Variants in JAKMIP1 observed in about 807,000 individuals in gnomAD.
JAKMIP1 encodes the protein janus kinase and microtubule-interacting protein 1.
In JAKMIP1, 33 loss-of-function variants were observed where a neutral mutation model predicts 113.0. The observed-to-expected ratio is 0.29, with a 90% CI of 0.22 to 0.39. JAKMIP1 has a LOEUF of 0.39. Among genes scored for constraint, JAKMIP1 ranks in the 10% least tolerant of loss-of-function variants. The probability of loss-of-function intolerance (pLI) is 1.00; values close to 1 mark genes in which losing one functional copy is unlikely to be tolerated. For synonymous variants in JAKMIP1, 480 were observed against 459.9 expected (o/e 1.04, Z -0.56); for missense variants, 813 against 1,080.5 (o/e 0.75, Z 3.47).
chr4:6,071,427 C>G (rs191071130), intron 8 of JAKMIP1, among the ~76,000 whole-genome samples: 58 of 152,268 alleles, frequency 3.8e-4, no homozygotes, highest in African/African-American at 1.3e-3. Context: ...GAAGTCACCT[C>G]CTGAAACTAG....
At chr4:6,047,444 C>T (rs1715138237) in intron 16 of JAKMIP1, among the ~76,000 whole-genome samples, 1 of 152,218 alleles carries the variant, frequency 6.6e-6, no homozygotes, top group Non-Finnish European at 1.5e-5. Context: ...GCCCCATGTG[C>T]CCCGCCCCGT....
chr4:6,178,597 G>A lies in JAKMIP1; in HGVS notation c.-148+21656C>T, dbSNP rs564875682. On this transcript the variant is annotated intron_variant, in intron 1 of 20. Coordinates refer to ENST00000409021, the MANE Select transcript of JAKMIP1 (RefSeq NM_001099433.2). The surrounding 1 kb of genome is among the most constrained non-coding windows in gnomAD (Gnocchi z 5.5). The stretch of plus-strand genomic sequence containing the variant: ...TTCGAAACTGCATCTCCTTGATACC[G>A]CCAGGTGAAGAAGGACGTGTTTGCT... 6.6e-5 allele frequency among the ~76,000 whole-genome samples: 10 copies of A among 152,198 alleles called. No homozygotes were observed. The East Asian group carries it at 9.7e-4, about 15-fold the overall frequency.
In JAKMIP1 at chr4:6,094,157, A is replaced by C. The variant is rs140269816; in HGVS notation, c.625-8528T>G. 1.0e-2 allele frequency among the ~76,000 whole-genome samples: 1,521 copies of C among 152,278 alleles called. 24 individuals are homozygous for C. The highest frequency in any genetic ancestry group is 0.035 in the African/African-American group (1,454 of 41,548). ...ATCGAACACATGCCACTGTCAGTTC[A>C]TGAGTTTTAAAAACAACCATTATGG... is the stretch of plus-strand genomic sequence containing the variant. On this transcript the variant is annotated intron_variant, in intron 3 of 20. Coordinates refer to ENST00000409021, the MANE Select transcript of JAKMIP1 (RefSeq NM_001099433.2). This position sits in a 1 kb window ranked among gnomAD's most constrained non-coding sequence, Gnocchi z 4.2.
rs559115236 is a variant in JAKMIP1 at position 6,100,126 on chromosome 4, A to C, written c.624+5347T>G. On this transcript the variant is annotated intron_variant, in intron 3 of 20. Transcript: ENST00000409021. ...TTAAACATTTTAGAGTTTAATTTATAAATCATGAACTTCGCCGATTTTTAG... is the reference window on the plus strand; with the variant it reads ...TTAAACATTTTAGAGTTTAATTTATCAATCATGAACTTCGCCGATTTTTAG... 1.4e-4 allele frequency among the ~76,000 whole-genome samples: 21 copies of C among 152,356 alleles called. No individual in the cohort carries two copies. In the South Asian group the frequency reaches 2.7e-3, roughly 20 times the overall value.
At chr4:6,100,541 A>G (rs1286914816) in intron 3 of JAKMIP1, among the ~76,000 whole-genome samples, 1 of 152,232 alleles carries the variant, frequency 6.6e-6, no homozygotes, top group African/African-American at 2.4e-5. Context: ...ATAAGCATTC[A>G]TGTACAAATC....
At position 6,139,205 on chromosome 4, in the gene JAKMIP1, G is replaced by A. The variant is rs1434899164; in HGVS notation, c.-147-26208C>T. 8.9e-6 allele frequency among the ~76,000 whole-genome samples: 1 copy of A among 111,870 alleles called. No individual in the cohort carries two copies. Among genetic ancestry groups the A allele is most frequent in the East Asian group, 3.1e-4 (1 of 3,272 alleles). 73.4% of individuals were successfully genotyped at this position (111,870 alleles called of 152,430 possible). ...TTTGGGAGGGTTCCCATGGGCTCCA[G>A]AAACTTTCACTATTTAAAAGGGTTC... On this transcript the variant is annotated intron_variant, in intron 1 of 20. Transcript: ENST00000409021. The surrounding 1 kb of genome is among the most constrained non-coding windows in gnomAD (Gnocchi z 5.2).
chr4:6,125,783 A>AAC (rs766499406), intron 1 of JAKMIP1, among the ~76,000 whole-genome samples: 9 of 141,546 alleles, frequency 6.4e-5, no homozygotes, highest in Non-Finnish European at 1.1e-4. Context: ...ACCATGCAGA[A>AAC]ACACACACAC....
At chr4:6,102,121 G>A (rs964984584) in intron 3 of JAKMIP1, among the ~76,000 whole-genome samples, 2 of 152,058 alleles carry the variant, frequency 1.3e-5, no homozygotes, top group Non-Finnish European at 2.9e-5. Flanking sequence ...TTATTCCTAG[G>A]TATTTGAATT....
In JAKMIP1 at chr4:6,135,342, C is replaced by T. The variant is rs1416237554; in HGVS notation, c.-147-22345G>A. ...ACATAGAAGGAAGACCATGTGAGGA[C>T]ATGGGGAGAAGACGGCCGTCTACAA... On this transcript the variant is annotated intron_variant, in intron 1 of 20. Transcript: ENST00000409021. The surrounding 1 kb of genome is among the most constrained non-coding windows in gnomAD (Gnocchi z 4.9). 6.6e-6 allele frequency among the ~76,000 whole-genome samples: 1 copy of T among 152,112 alleles called. No homozygotes were observed. The highest frequency in any genetic ancestry group is 1.5e-5 in the Non-Finnish European group (1 of 68,034).
At chr4:6,026,666 C>T (rs75157039) in intron 20 of JAKMIP1, among the ~76,000 whole-genome samples, 2 of 151,728 alleles carry the variant, frequency 1.3e-5, no homozygotes, top group Admixed American at 6.6e-5. Context: ...CACCAAGAGA[C>T]GGGGGCGTGA....
chr4:6,078,042 T>C (rs1719932443), intron 8 of JAKMIP1, among the ~76,000 whole-genome samples: 1 of 152,084 alleles, frequency 6.6e-6, no homozygotes, highest in African/African-American at 2.4e-5. Context: ...AGATGAGAAA[T>C]ATTTCTCTAT....
rs960643920 is a variant in JAKMIP1, at chr4:6,116,808, G to A, written c.-147-3811C>T. Among the ~76,000 whole-genome samples the A allele has an allele frequency of 6.6e-6, 1 of 152,160 alleles. No homozygotes were observed. Among genetic ancestry groups the A allele is most frequent in the Admixed American group, 6.5e-5 (1 of 15,270 alleles). On this transcript the variant is annotated intron_variant, in intron 1 of 20. Transcript: ENST00000409021. The surrounding 1 kb of genome is among the most constrained non-coding windows in gnomAD (Gnocchi z 5.1). ...GGAAATGAATACATAAAACAATGAT[G>A]GCTTGTGGTAGGTGCTGGAAAGAAC...
chr4:6,029,957 A>C, intron 19 of JAKMIP1, among the ~76,000 whole-genome samples, 176 bp from the exon 20 acceptor site: 1 of 152,194 alleles, frequency 6.6e-6, no homozygotes, highest in Non-Finnish European at 1.5e-5. Context: ...AGCAAGACAG[A>C]GAGCATCCCA....
rs557629841 is a variant in JAKMIP1 at position 6,051,167 on chromosome 4, C to A, written c.1807-488G>T. On this transcript the variant is annotated intron_variant, in intron 13 of 20. Transcript: ENST00000409021. This position sits in a 1 kb window ranked among gnomAD's most constrained non-coding sequence, Gnocchi z 5.0. ...CAGGGAGGCTGTGTCTGAGGTCCCACGCTAGCAAGCGGCAGGGCCAGGACC... is the reference window on the plus strand; with the variant it reads ...CAGGGAGGCTGTGTCTGAGGTCCCAAGCTAGCAAGCGGCAGGGCCAGGACC... 6.6e-6 allele frequency among the ~76,000 whole-genome samples: 1 copy of A among 151,844 alleles called. No homozygotes were observed. Among genetic ancestry groups the A allele is most frequent in the African/African-American group, 2.4e-5 (1 of 41,332 alleles).
chr4:6,183,510 T>TAAATAAATAAATAAATA lies in JAKMIP1; in HGVS notation c.-148+16742_-148+16743insTATTTATTTATTTATTT. On this transcript the variant is annotated intron_variant, in intron 1 of 20. Transcript: ENST00000409021. The surrounding 1 kb of genome is among the most constrained non-coding windows in gnomAD (Gnocchi z 5.3). ...TAAATAAATAAATAAATAAATAAAT[T>TAAATAAATAAATAAATA]TAAAAAAGAAAGTAAAATGGAACAG... Among the ~76,000 whole-genome samples the TAAATAAATAAATAAATA allele has an allele frequency of 1.4e-4, 1 of 7,026 alleles. No homozygotes were observed. Among genetic ancestry groups the TAAATAAATAAATAAATA allele is most frequent in the Non-Finnish European group, 5.4e-4 (1 of 1,862 alleles). The allele number at this position is 7,026 out of a possible 152,430, so 4.6% of individuals were successfully genotyped here. A position where few individuals can be genotyped will look rare whatever the true frequency, so the allele number is the denominator to read the frequency against.
rs1157533024 is a variant in JAKMIP1 at position 6,153,644 on chromosome 4, C to T, written c.-147-40647G>A. ...TGGAAGGCCATCATGTTCCCGTGTG[C>T]CCCTCGGCACCTTACCTTTATGTGC... On this transcript the variant is annotated intron_variant, in intron 1 of 20. Coordinates refer to ENST00000409021, the MANE Select transcript of JAKMIP1 (RefSeq NM_001099433.2). The surrounding 1 kb of genome is among the most constrained non-coding windows in gnomAD (Gnocchi z 4.9). Among the ~76,000 whole-genome samples, 2 of 152,202 alleles carry T rather than the reference C, an allele frequency of 1.3e-5. No homozygotes were observed. The highest frequency in any genetic ancestry group is 3.9e-4 in the East Asian group (2 of 5,192).
chr4:6,100,005 G>T (rs1712735765), intron 3 of JAKMIP1, among the ~76,000 whole-genome samples: 1 of 152,112 alleles, frequency 6.6e-6, no homozygotes, highest in Non-Finnish European at 1.5e-5. Context: ...ATTGTGTGCT[G>T]TTCTTCCTCT....
intron 3 of JAKMIP1, among the ~76,000 whole-genome samples, chr4:6,096,832 A>G (rs1711865897): frequency 2.0e-5 from 3 of 152,264 alleles, no homozygotes; most frequent in African/African-American, 4.8e-5. Context: ...TATGTTTCAC[A>G]TACACTTATA....
In JAKMIP1 at chr4:6,042,506, G is replaced by A. The variant is rs373185058; in HGVS notation, c.2029-279C>T. Among the ~76,000 whole-genome samples, 154 of 152,168 alleles carry A rather than the reference G, an allele frequency of 1.0e-3. No individual in the cohort carries two copies. The highest frequency in any genetic ancestry group is 3.4e-3 in the Middle Eastern group (1 of 294). On this transcript the variant is annotated intron_variant, in intron 16 of 20. Transcript: ENST00000409021. This position sits in a 1 kb window ranked among gnomAD's most constrained non-coding sequence, Gnocchi z 5.2. ...GATGGACCCGAGTGTGGGCGGCTGCGAGTGTGTGCAGCAGAGGAAGTGGTG... is the reference window on the plus strand; with the variant it reads ...GATGGACCCGAGTGTGGGCGGCTGCAAGTGTGTGCAGCAGAGGAAGTGGTG...
Sources: gnomAD v4.1 joint callset for allele counts (sites outside exome capture counted in the v4.1 genomes callset) on GRCh38, gnomAD v4.1.1 for gene constraint, Gnocchi (gnomAD v3.1) non-coding constraint, MANE v1.5 for transcripts, NCBI Gene and HGNC (gene_info 2026-07-23, HGNC 2026-07-21) for gene names.